The following SULF1 variants were observed in gnomAD, a reference collection of about 807,000 sequenced individuals.
SULF1 encodes the protein sulfatase 1, also known as extracellular sulfatase Sulf-1.
In SULF1, 46 loss-of-function variants were observed where a neutral mutation model predicts 110.5. The ratio of observed to expected loss-of-function variants is 0.42; its 90% CI spans 0.33 to 0.53. The LOEUF (loss-of-function observed/expected upper bound fraction) is 0.53. Ranked by LOEUF, SULF1 falls within the 20% of genes least tolerant of loss-of-function variation. The pLI, the probability that SULF1 is intolerant of heterozygous loss-of-function variation, is 0.12. For synonymous variants in SULF1, 371 were observed against 387.1 expected (o/e 0.96, Z 0.49); for missense variants, 941 against 1,094.2 (o/e 0.86, Z 1.98).
chr8:69,647,931 A>G (rs765687704), intron 22 of SULF1, among the ~76,000 whole-genome samples: 1 of 151,312 alleles, frequency 6.6e-6, no homozygotes, highest in Non-Finnish European at 1.5e-5. Context: ...ACTATGGCCA[A>G]TTCTGATTTT....
intron 3 of SULF1, among the ~76,000 whole-genome samples, chr8:69,527,849 C>G (rs2051589188): frequency 6.6e-6 from 1 of 151,928 alleles, no homozygotes; most frequent in Non-Finnish European, 1.5e-5. Flanking sequence ...GTTTAAATAA[C>G]CAAATTCCTA....
At chr8:69,614,747 C>T (rs1383480768) in intron 13 of SULF1, among the ~76,000 whole-genome samples, 14 of 152,250 alleles carry the variant, frequency 9.2e-5, no homozygotes, top group Admixed American at 9.2e-4. Context: ...AGACATGGCC[C>T]TTGCCCTTAA....
At chr8:69,595,194 AG>A (rs1231372182) in intron 8 of SULF1, among the ~76,000 whole-genome samples, 1 of 152,196 alleles carries the variant, frequency 6.6e-6, no homozygotes, top group Non-Finnish European at 1.5e-5. Flanking sequence ...TTTTAAAGGA[AG>A]GCCCAGATGG....
At chr8:69,570,426 A>G (rs1805144798) in intron 5 of SULF1, among the ~76,000 whole-genome samples, 1 of 152,226 alleles carries the variant, frequency 6.6e-6, no homozygotes, top group African/African-American at 2.4e-5. Flanking sequence ...CGGGAAAGGT[A>G]AAGCTTTGTT....
intron 13 of SULF1, among the ~76,000 whole-genome samples, chr8:69,613,992 G>C (rs1234963913): frequency 6.6e-6 from 1 of 151,976 alleles, no homozygotes; most frequent in Non-Finnish European, 1.5e-5. Context: ...TAAGGTCTTT[G>C]AATCCCAACC....
Position 69,624,079 on chromosome 8 carries a change from G to A in SULF1, c.1732G>A (p.Asp578Asn). ...ACCAAGAAACATTGCTAAGCGTCAT[G>A]ATGAAGGCCACAAGGGGCCAAGAGA... ...LQPRNIAKRH[D>N]EGHKGPRDLQ... Residue 578 changes from aspartate to asparagine, a missense_variant, in exon 15 of 23, where the codon GAT (aspartate) becomes AAT (asparagine). By Grantham distance (23) the Asp-to-Asn change is conservative. Around this residue, in one of 3 missense-constraint regions of SULF1, gnomAD observed 822 missense variants for 934.3 expected, o/e 0.88. Coordinates refer to ENST00000402687, the MANE Select transcript of SULF1 (RefSeq NM_001128205.2). 6.2e-7 allele frequency: 1 copy of A among 1,614,184 alleles called. No individual in the cohort carries two copies. Among genetic ancestry groups the A allele is most frequent in the Non-Finnish European group, 8.5e-7 (1 of 1,180,036 alleles).
At chr8:69,509,144 C>T (rs1473867942) in intron 3 of SULF1, among the ~76,000 whole-genome samples, 3 of 152,090 alleles carry the variant, frequency 2.0e-5, no homozygotes, top group Non-Finnish European at 2.9e-5. Context: ...CAAACACAAC[C>T]GATTGTTATT....
intron 5 of SULF1, among the ~76,000 whole-genome samples, chr8:69,565,716 C>T (rs116325381): frequency 1.3e-3 from 202 of 152,272 alleles, no homozygotes; most frequent in African/African-American, 4.8e-3. Context: ...GCTTAAGTCC[C>T]TTCTGTGGTT....
At chr8:69,596,033 A>T (rs1349741616) in intron 8 of SULF1, among the ~76,000 whole-genome samples, 1 of 152,230 alleles carries the variant, frequency 6.6e-6, no homozygotes, top group African/African-American at 2.4e-5. Flanking sequence ...AATTGGCATG[A>T]TGGTGAAGGT....
chr8:69,647,225 G>A (rs1332885614), intron 22 of SULF1, among the ~76,000 whole-genome samples: 1 of 151,996 alleles, frequency 6.6e-6, no homozygotes, highest in African/African-American at 2.4e-5. Flanking sequence ...TTACAGGTAT[G>A]AGCCACTGCG....
intron 6 of SULF1, among the ~76,000 whole-genome samples, chr8:69,585,124 C>A (rs1456400835): frequency 1.3e-5 from 2 of 152,122 alleles, no homozygotes; most frequent in East Asian, 3.9e-4. Context: ...AACTTGCCTA[C>A]ATATGTATAT....
intron 5 of SULF1, among the ~76,000 whole-genome samples, chr8:69,568,447 C>T (rs1197401985): frequency 6.6e-6 from 1 of 152,158 alleles, no homozygotes; most frequent in Non-Finnish European, 1.5e-5. Context: ...GAGTAAGACA[C>T]ATAAGGAATT....
At chr8:69,605,171 T>G (rs939764321) in intron 13 of SULF1, among the ~76,000 whole-genome samples, 1 of 152,196 alleles carries the variant, frequency 6.6e-6, no homozygotes, top group African/African-American at 2.4e-5. Flanking sequence ...TCAGAGAAAG[T>G]TCTATGCCAA....
chr8:69,595,269 C>G (rs1427078193), intron 8 of SULF1, among the ~76,000 whole-genome samples: 1 of 152,096 alleles, frequency 6.6e-6, no homozygotes, highest in Non-Finnish European at 1.5e-5. Context: ...TCTCTTGGCC[C>G]CAGGTGATCT....
intron 6 of SULF1, 23 bp from the exon 7 acceptor site, chr8:69,586,334 A>G (rs769770227): frequency 6.5e-7 from 1 of 1,545,684 alleles, no homozygotes; most frequent in South Asian, 1.2e-5. Context: ...CGTGAAAAAA[A>G]TAATTCTTTT....
At chr8:69,553,765 A>T (rs555026805) in intron 3 of SULF1, among the ~76,000 whole-genome samples, 2 of 152,328 alleles carry the variant, frequency 1.3e-5, no homozygotes, top group East Asian at 3.9e-4. Flanking sequence ...TCAAGAGAAC[A>T]TGAGTGCAGT....
At chr8:69,467,466 C>T (rs2150525893) in intron 1 of SULF1, among the ~76,000 whole-genome samples, 1 of 152,278 alleles carries the variant, frequency 6.6e-6, no homozygotes, top group Admixed American at 6.5e-5. Flanking sequence ...TGGAGATTGA[C>T]TCTGAAGTTT....
At chr8:69,626,861 C>T (rs1207129975) in intron 15 of SULF1, among the ~76,000 whole-genome samples, 2 of 152,254 alleles carry the variant, frequency 1.3e-5, no homozygotes, top group Non-Finnish European at 2.9e-5. Context: ...TCCCTCCACA[C>T]CTCCCTGCAA....
chr8:69,588,932 C>G (rs774419530), intron 7 of SULF1, 40 bp from the exon 8 acceptor site: 1 of 1,585,572 alleles, frequency 6.3e-7, no homozygotes, highest in Non-Finnish European at 8.6e-7. Flanking sequence ...ATGAATGTCA[C>G]CTTTTGTAAT....
Sources: gnomAD v4.1 joint callset for allele counts (sites outside exome capture counted in the v4.1 genomes callset) on GRCh38, gnomAD v4.1.1 for gene constraint, gnomAD v4.1.1 regional missense constraint, MANE v1.5 for transcripts, NCBI Gene and HGNC (gene_info 2026-07-23, HGNC 2026-07-21) for gene names.